Variants in MEGF10 observed in about 807,000 individuals in gnomAD.
MEGF10 encodes multiple epidermal growth factor-like domains protein 10.
Under a neutral mutation model 147.5 loss-of-function variants are expected in MEGF10, and 86 were observed. The ratio of observed to expected loss-of-function variants is 0.58; its 90% CI spans 0.49 to 0.70. The LOEUF is 0.70. MEGF10 is among the 30% of genes least tolerant of loss of function. MEGF10 has a pLI of 0.00. For synonymous variants in MEGF10, 478 were observed against 525.5 expected (o/e 0.91, Z 1.24); for missense variants, 1,329 against 1,487.3 (o/e 0.89, Z 1.75).
chr5:127,391,100 GCGCACACACA>G (rs1311965602), intron 5 of MEGF10, among the ~76,000 whole-genome samples: 30 of 40,116 alleles, frequency 7.5e-4, no homozygotes, highest in South Asian at 3.0e-3. Flanking sequence ...GCGCGCGCGC[GCGCACACACA>G]CACACACACA....
At chr5:127,416,024 T>G (rs1580841517) in intron 9 of MEGF10, among the ~76,000 whole-genome samples, 2 of 149,862 alleles carry the variant, frequency 1.3e-5, no homozygotes, top group African/African-American at 5.0e-5. Flanking sequence ...TTTGTTTTTG[T>G]TTTTGTTTTT....
intron 1 of MEGF10, among the ~76,000 whole-genome samples, chr5:127,307,912 C>T (rs1760089626): frequency 6.6e-6 from 1 of 152,146 alleles, no homozygotes. Flanking sequence ...GGTAATAGAG[C>T]CCTGGGATTC....
chr5:127,237,762 G>T, the MEGF10 span, among the ~76,000 whole-genome samples: 1 of 151,892 alleles, frequency 6.6e-6, no homozygotes, highest in African/African-American at 2.4e-5. Flanking sequence ...GAGGACTCAG[G>T]GCCAGGGATG....
At chr5:127,388,309 C>A (rs560943448) in intron 5 of MEGF10, among the ~76,000 whole-genome samples, 1 of 151,836 alleles carries the variant, frequency 6.6e-6, no homozygotes, top group South Asian at 2.1e-4. Context: ...CCACCACATT[C>A]AGCTCACTTT....
intron 1 of MEGF10, among the ~76,000 whole-genome samples, chr5:127,297,244 G>A (rs1561554353): frequency 6.6e-6 from 1 of 152,196 alleles, no homozygotes; most frequent in Non-Finnish European, 1.5e-5. Context: ...TGGAATTACA[G>A]GCATGAGCCA....
At chr5:127,283,891 CT>C in the MEGF10 span, among the ~76,000 whole-genome samples, 1 of 152,114 alleles carries the variant, frequency 6.6e-6, no homozygotes. Flanking sequence ...CATATTAAAA[CT>C]TTTTTTGGGG....
chr5:127,376,592 A>T (rs933188548), intron 5 of MEGF10, among the ~76,000 whole-genome samples: 2 of 152,128 alleles, frequency 1.3e-5, no homozygotes, highest in Middle Eastern at 3.2e-3. Flanking sequence ...CTCTTGATAA[A>T]CTGTCAGGAG....
chr5:127,453,098 G>C (rs921741275), intron 22 of MEGF10, among the ~76,000 whole-genome samples: 10 of 152,224 alleles, frequency 6.6e-5, no homozygotes, highest in African/African-American at 2.2e-4. Context: ...ATCTCTCTAA[G>C]AGATGCATGC....
the MEGF10 span, among the ~76,000 whole-genome samples, chr5:127,242,990 T>C: frequency 2.0e-5 from 3 of 152,206 alleles, no homozygotes; most frequent in African/African-American, 7.2e-5. Flanking sequence ...TTAGGTATTA[T>C]AATAAAAATT....
chr5:127,436,003 T>C (rs1384454317), intron 16 of MEGF10, among the ~76,000 whole-genome samples: 1 of 152,172 alleles, frequency 6.6e-6, no homozygotes, highest in Non-Finnish European at 1.5e-5. Context: ...ACTATATAGA[T>C]GACTCTTAGA....
rs1379033458 is a variant in MEGF10 at position 127,459,915 on chromosome 5, T to C, written c.*2597T>C. On this transcript the variant is annotated 3_prime_UTR_variant, in exon 25 of 25. Coordinates refer to ENST00000503335, the MANE Select transcript of MEGF10 (RefSeq NM_001256545.2). Reference sequence around the variant, plus strand: ...ATATCAATTTGGGTAAAGAAAGGAATACTTTTGTTAGAATGAGAATTAAAG... The same window carrying C: ...ATATCAATTTGGGTAAAGAAAGGAACACTTTTGTTAGAATGAGAATTAAAG... 1 of 152,218 alleles carries C rather than the reference T, an allele frequency of 6.6e-6. No homozygotes were observed. Among genetic ancestry groups the C allele is most frequent in the Non-Finnish European group, 1.5e-5 (1 of 68,030 alleles). The allele number at this position is 152,218 out of a possible 1,614,324, so 9.4% of individuals were successfully genotyped here.
intron 2 of MEGF10, among the ~76,000 whole-genome samples, chr5:127,332,785 A>G (rs1761314123): frequency 1.3e-5 from 2 of 152,172 alleles, no homozygotes; most frequent in East Asian, 3.8e-4. Flanking sequence ...ATATATAATA[A>G]ATACTTATTA....
chr5:127,233,604 G>A, the MEGF10 span, among the ~76,000 whole-genome samples: 1 of 152,172 alleles, frequency 6.6e-6, no homozygotes, highest in Non-Finnish European at 1.5e-5. Flanking sequence ...CAGTGAGAAG[G>A]CACTTAAGGT....
intron 1 of MEGF10, among the ~76,000 whole-genome samples, chr5:127,315,167 T>G (rs2126748331): frequency 6.6e-6 from 1 of 152,310 alleles, no homozygotes; most frequent in East Asian, 1.9e-4. Context: ...TTCAAAAACC[T>G]TTAGCTTCCT....
chr5:127,332,491 C>T (rs141468026), intron 2 of MEGF10, among the ~76,000 whole-genome samples: 375 of 152,242 alleles, frequency 2.5e-3, no homozygotes, highest in African/African-American at 8.6e-3. Context: ...TGGTATTATT[C>T]TGGGGACATG....
At chr5:127,456,982 A>G in intron 24 of MEGF10, 146 bp from the exon 25 acceptor site, 1 of 852,746 alleles carries the variant, frequency 1.2e-6, no homozygotes, top group Non-Finnish European at 1.7e-6. Flanking sequence ...GTATGTGATG[A>G]TTTTTAAAAT....
At chr5:127,231,633 G>T in the MEGF10 span, among the ~76,000 whole-genome samples, 1 of 152,122 alleles carries the variant, frequency 6.6e-6, no homozygotes, top group Non-Finnish European at 1.5e-5. Context: ...TCACTATGTT[G>T]TTCATTACCA....
intron 1 of MEGF10, among the ~76,000 whole-genome samples, chr5:127,317,243 G>C (rs1760594529): frequency 6.6e-6 from 1 of 152,136 alleles, no homozygotes; most frequent in Admixed American, 6.5e-5. Flanking sequence ...TGTCAGATGG[G>C]TAGATTGCAA....
At chr5:127,309,434 G>A (rs1177521039) in intron 1 of MEGF10, among the ~76,000 whole-genome samples, 2 of 152,108 alleles carry the variant, frequency 1.3e-5, no homozygotes, top group Non-Finnish European at 2.9e-5. Flanking sequence ...CCATTAAATA[G>A]CAGCTCCCCA....
Sources: allele counts gnomAD v4.1 joint callset (sites outside exome capture counted in the v4.1 genomes callset), GRCh38; gene constraint gnomAD v4.1.1; transcripts MANE v1.5; gene names NCBI Gene and HGNC (gene_info 2026-07-23, HGNC 2026-07-21).